DOCK8: variants seen among roughly 807,000 people sequenced by gnomAD.
DOCK8 encodes dedicator of cytokinesis protein 8.
Under a neutral mutation model 245.6 loss-of-function variants are expected in DOCK8, and 141 were observed. That is an observed-to-expected ratio of 0.57 (90% confidence interval 0.50 to 0.66). The LOEUF (loss-of-function observed/expected upper bound fraction) is 0.66. Among genes scored for constraint, DOCK8 ranks in the 30% least tolerant of loss-of-function variants. DOCK8 has a pLI of 0.00. For missense variants in DOCK8, 2,965 were observed against 2,603.4 expected, an observed-to-expected ratio of 1.14 and a Z score of -3.02; for synonymous variants, 1,168 against 970.2, an observed-to-expected ratio of 1.20 and a Z score of -3.79.
At chr9:267,188 T>C (rs1409845145) in intron 1 of DOCK8, among the ~76,000 whole-genome samples, 1 of 152,214 alleles carries the variant, frequency 6.6e-6, no homozygotes, top group African/African-American at 2.4e-5. Flanking sequence ...CACTATTTTA[T>C]ATGTATGCAA....
chr9:355,985 T>C lies in DOCK8; in HGVS notation c.1680-12033T>C, dbSNP rs2052424076. Among the ~76,000 whole-genome samples, 3 of 152,200 alleles carry C rather than the reference T, an allele frequency of 2.0e-5. No homozygotes were observed. In the South Asian group the frequency reaches 6.2e-4, roughly 32 times the overall value. On this transcript the variant is annotated intron_variant, in intron 14 of 47. Transcript: ENST00000432829. ...AAAATACATTCTTAGTAAATGACTT[T>C]CAGGCAGAAAAAGAAAACCACACTG...
intron 1 of DOCK8, among the ~76,000 whole-genome samples, chr9:233,312 GC>G (rs1563827125): frequency 6.6e-5 from 10 of 151,928 alleles, no homozygotes; most frequent in Admixed American, 2.0e-4. Flanking sequence ...GTGCTTTACT[GC>G]CAACTATGTG....
chr9:415,698 A>ACG (rs1393646768), intron 29 of DOCK8, among the ~76,000 whole-genome samples: 1 of 152,064 alleles, frequency 6.6e-6, no homozygotes, highest in African/African-American at 2.4e-5. Flanking sequence ...GCGTGCACAC[A>ACG]CACACACACA....
intron 33 of DOCK8, among the ~76,000 whole-genome samples, chr9:425,333 C>T (rs918596699): frequency 1.3e-5 from 2 of 151,984 alleles, no homozygotes; most frequent in South Asian, 2.1e-4. Flanking sequence ...GAGATCGAGA[C>T]CATCCTGGCT....
intron 14 of DOCK8, among the ~76,000 whole-genome samples, chr9:355,290 G>A (rs374578300): frequency 1.4e-3 from 204 of 140,758 alleles, no homozygotes; most frequent in African/African-American, 4.9e-3. Context: ...TGCAACCTCC[G>A]CCTTCCTGGT....
rs370518204 is a variant in DOCK8 at position 301,576 on chromosome 9, A to G, written c.405-3005A>G. Among the ~76,000 whole-genome samples the G allele has an allele frequency of 2.6e-5, 4 of 152,364 alleles. 1 individual carries two copies. ...AACTAGCTCTGTCACAGTGCAGGCA[A>G]TATAATTCTGTACCCAGAAAACACT... On this transcript the variant is annotated intron_variant, in intron 4 of 47. Transcript: ENST00000432829.
At chr9:414,710 C>G (rs928001965) in intron 28 of DOCK8, 72 bp from the exon 29 acceptor site, 29 of 1,593,614 alleles carry the variant, frequency 1.8e-5, no homozygotes, top group Non-Finnish European at 2.5e-5. Context: ...TTTCATCACT[C>G]TTGACTGTTT....
chr9:390,791 C>G (rs2054157599), intron 24 of DOCK8, among the ~76,000 whole-genome samples: 1 of 152,164 alleles, frequency 6.6e-6, no homozygotes, highest in South Asian at 2.1e-4. Flanking sequence ...TCACCACTCT[C>G]CACCTGGCCA....
At chr9:382,821 T>A in intron 22 of DOCK8, 136 bp downstream of exon 22, 1 of 1,151,428 alleles carries the variant, frequency 8.7e-7, no homozygotes, top group Non-Finnish European at 1.2e-6. Context: ...AGCTTTGGAG[T>A]GATTAACGTT....
intron 14 of DOCK8, among the ~76,000 whole-genome samples, chr9:363,068 A>T (rs115704948): frequency 6.6e-6 from 1 of 152,244 alleles, no homozygotes; most frequent in African/African-American, 2.4e-5. Context: ...ATCAGTGGAA[A>T]GAATTTGGAG....
chr9:412,160 T>G (rs2055760082), intron 28 of DOCK8, among the ~76,000 whole-genome samples: 1 of 152,004 alleles, frequency 6.6e-6, no homozygotes. Flanking sequence ...CCCAGCACTT[T>G]GGGAGGCCAA....
Position 392,944 on chromosome 9 carries a change from G to C in DOCK8, c.2970+2378G>C, listed in dbSNP as rs1259284762. 2.0e-5 allele frequency among the ~76,000 whole-genome samples: 3 copies of C among 151,642 alleles called. No homozygotes were observed. The East Asian group carries it at 5.8e-4, about 29-fold the overall frequency. ...TCTGCAAAAATGAAAAAATTACCTG[G>C]GTGTGGTAACATGTGCTTGTAGTCT... On this transcript the variant is annotated intron_variant, in intron 24 of 47. Coordinates refer to ENST00000432829, the MANE Select transcript of DOCK8 (RefSeq NM_203447.4).
At chr9:404,480 A>G (rs2055320304) in intron 26 of DOCK8, among the ~76,000 whole-genome samples, 2 of 152,218 alleles carry the variant, frequency 1.3e-5, no homozygotes, top group Admixed American at 6.5e-5. Context: ...AGAAACTACG[A>G]GAGAACACTT....
At chr9:367,069 T>G (rs2053039707) in intron 14 of DOCK8, among the ~76,000 whole-genome samples, 1 of 152,196 alleles carries the variant, frequency 6.6e-6, no homozygotes, top group African/African-American at 2.4e-5. Flanking sequence ...TGTTCCTCAC[T>G]TGTGACATGG....
At chr9:280,640 T>A (rs2048538686) in intron 2 of DOCK8, among the ~76,000 whole-genome samples, 1 of 152,178 alleles carries the variant, frequency 6.6e-6, no homozygotes, top group Non-Finnish European at 1.5e-5. Flanking sequence ...CAGGGGAATC[T>A]CTCCTTTGAT....
chr9:260,182 A>G (rs1298388041), intron 1 of DOCK8, among the ~76,000 whole-genome samples: 2 of 152,196 alleles, frequency 1.3e-5, no homozygotes, highest in South Asian at 2.1e-4. Context: ...CCAACTGCCA[A>G]CTTGACAGCC....
chr9:426,825 A>G (rs2056520107), intron 33 of DOCK8, 60 bp from the exon 34 acceptor site: 4 of 1,385,370 alleles, frequency 2.9e-6, no homozygotes, highest in Non-Finnish European at 4.1e-6. Context: ...ATAGATTGCC[A>G]TCATGGGAAC....
At chr9:260,828 A>G (rs1210428335) in intron 1 of DOCK8, among the ~76,000 whole-genome samples, 1 of 152,260 alleles carries the variant, frequency 6.6e-6, no homozygotes, top group African/African-American at 2.4e-5. Context: ...AAATTGTGGT[A>G]TTCATACAGT....
intron 26 of DOCK8, among the ~76,000 whole-genome samples, chr9:403,942 A>C (rs1226734440): frequency 1.3e-4 from 11 of 81,812 alleles, no homozygotes; most frequent in African/African-American, 6.3e-4. Flanking sequence ...GTATATATAT[A>C]TGTGTATATA....
Sources: allele counts gnomAD v4.1 joint callset (sites outside exome capture counted in the v4.1 genomes callset), GRCh38; gene constraint gnomAD v4.1.1; transcripts MANE v1.5; gene names NCBI Gene and HGNC (gene_info 2026-07-23, HGNC 2026-07-21).